The following COL11A1 variants were observed in gnomAD, a reference collection of about 807,000 sequenced individuals.
COL11A1 encodes collagen alpha-1(XI) chain.
In COL11A1, 74 loss-of-function variants were observed where a neutral mutation model predicts 265.2. The observed-to-expected ratio is 0.28, with a 90% confidence interval of 0.23 to 0.34. The LOEUF (loss-of-function observed/expected upper bound fraction) is 0.34, where lower values mean the gene tolerates loss of function less well. COL11A1 is among the 10% of genes least tolerant of loss of function. COL11A1 has a pLI of 1.00. For missense variants in COL11A1, 2,165 were observed against 2,263.6 expected (o/e 0.96, Z 0.88); for synonymous variants, 816 against 727.6 (o/e 1.12, Z -1.96).
chr1:103,050,599 C>T (rs1669733627), intron 4 of COL11A1, among the ~76,000 whole-genome samples: 1 of 152,184 alleles, frequency 6.6e-6, no homozygotes, highest in Non-Finnish European at 1.5e-5. Flanking sequence ...CTTCTCTCAA[C>T]TCGTCAAAGT....
rs902058099 is a variant in COL11A1 at position 102,877,139 on chromosome 1, T to C, written c.*880A>G. On this transcript the variant is annotated 3_prime_UTR_variant, in exon 67 of 67. Coordinates refer to ENST00000370096, the MANE Select transcript of COL11A1 (RefSeq NM_001854.4). ...AAAAAGTATACATATGATTGTTTGCTTGACGGAGGCATTGATTTGTTAATA... is the reference window on the plus strand; with the variant it reads ...AAAAAGTATACATATGATTGTTTGCCTGACGGAGGCATTGATTTGTTAATA... 7 of 152,602 alleles carry C rather than the reference T, an allele frequency of 4.6e-5. No individual in the cohort carries two copies. Among genetic ancestry groups the C allele is most frequent in the Admixed American group, 4.6e-4 (7 of 15,262 alleles). 9.5% of individuals were successfully genotyped at this position (152,602 alleles called of 1,614,324 possible). A position where few individuals can be genotyped will look rare whatever the true frequency, so the allele number is the denominator to read the frequency against.
chr1:102,906,756 T>A (rs879646901), intron 54 of COL11A1, among the ~76,000 whole-genome samples: 2 of 152,032 alleles, frequency 1.3e-5, no homozygotes, highest in African/African-American at 4.8e-5. Context: ...AGCCACCTAT[T>A]TGTTTATGTT....
chr1:103,086,697 T>C (rs1672899374), intron 1 of COL11A1, among the ~76,000 whole-genome samples: 1 of 151,988 alleles, frequency 6.6e-6, no homozygotes, highest in South Asian at 2.1e-4. Flanking sequence ...ATTACAGGCG[T>C]GAGCCACCGC....
In COL11A1 at chr1:102,936,852, G is replaced by A. The variant is rs186488777; in HGVS notation, c.3439-1739C>T. On this transcript the variant is annotated intron_variant, in intron 44 of 66. Transcript: ENST00000370096. ...AAACTACCACTTATAAAATTTCTATGTAAAATCAAAGAATATTCAAAATTA... is the reference window on the plus strand; with the variant it reads ...AAACTACCACTTATAAAATTTCTATATAAAATCAAAGAATATTCAAAATTA... Among the ~76,000 whole-genome samples, 135 of 152,114 alleles carry A rather than the reference G, an allele frequency of 8.9e-4. 1 individual carries two copies. In the Middle Eastern group the frequency reaches 0.01, roughly 11 times the overall value.
chr1:102,968,851 T>C lies in COL11A1; in HGVS notation c.2862+1368A>G, dbSNP rs530399151. 1.6e-3 allele frequency among the ~76,000 whole-genome samples: 249 copies of C among 152,362 alleles called. 1 individual carries two copies. Among genetic ancestry groups the C allele is most frequent in the Middle Eastern group, 0.01 (3 of 294 alleles). On this transcript the variant is annotated intron_variant, in intron 37 of 66. Transcript: ENST00000370096. ...ATGTTATATGTGATATAATTATTTT[T>C]GTTAGAAGTGGAAGCTCCAGATTAA...
In COL11A1 at chr1:102,979,372, T is replaced by G; in HGVS notation, c.2610+10A>C. On this transcript the variant is annotated intron_variant, in intron 32 of 66. Transcript: ENST00000370096. ...ATATACATAGTTCAAAACATATTTA[T>G]ATATCATACCCGTGCACCTTTCTCT... is the stretch of plus-strand genomic sequence containing the variant. 6.3e-7 allele frequency: 1 copy of G among 1,598,598 alleles called. No homozygotes were observed. The highest frequency in any genetic ancestry group is 2.2e-5 in the East Asian group (1 of 44,772).
chr1:102,961,768 C>A, intron 41 of COL11A1, 98 bp downstream of exon 41: 2 of 1,117,560 alleles, frequency 1.8e-6, no homozygotes, highest in Non-Finnish European at 2.7e-6. Context: ...TGTTTATTTT[C>A]TCTCCCACAC....
intron 2 of COL11A1, among the ~76,000 whole-genome samples, chr1:103,080,739 C>T (rs1672344769): frequency 6.6e-6 from 1 of 151,622 alleles, no homozygotes; most frequent in Non-Finnish European, 1.5e-5. Context: ...TTAATACAGC[C>T]ATATAGAAAA....
At chr1:102,941,170 C>T (rs1354952851) in intron 42 of COL11A1, among the ~76,000 whole-genome samples, 1 of 152,116 alleles carries the variant, frequency 6.6e-6, no homozygotes, top group Non-Finnish European at 1.5e-5. Flanking sequence ...CTTTCCCTCA[C>T]TTCCCTTAAC....
At chr1:103,047,640 G>T (rs1218488386) in intron 4 of COL11A1, among the ~76,000 whole-genome samples, 12 of 152,186 alleles carry the variant, frequency 7.9e-5, no homozygotes, top group Non-Finnish European at 1.5e-5. Flanking sequence ...CCAACGCTAT[G>T]TTGAATAGGA....
At chr1:103,047,277 T>C (rs886895371) in intron 4 of COL11A1, among the ~76,000 whole-genome samples, 1 of 152,214 alleles carries the variant, frequency 6.6e-6, no homozygotes, top group African/African-American at 2.4e-5. Flanking sequence ...TCCTCTTTTA[T>C]TTCATTGAGC....
intron 41 of COL11A1, among the ~76,000 whole-genome samples, chr1:102,948,738 A>C (rs1570829018): frequency 6.6e-6 from 1 of 151,900 alleles, no homozygotes; most frequent in Non-Finnish European, 1.5e-5. Flanking sequence ...ATACTTTTTC[A>C]TCAATGTATT....
intron 25 of COL11A1, among the ~76,000 whole-genome samples, chr1:102,997,568 A>C (rs1187761990): frequency 6.6e-6 from 1 of 151,968 alleles, no homozygotes; most frequent in African/African-American, 2.4e-5. Context: ...AAATGCTAAC[A>C]GTGTTAATAA....
rs770943626 is a variant in COL11A1 at position 103,008,422 on chromosome 1, G to T, written c.1683+41C>A. The T allele has an allele frequency of 3.9e-6, 6 of 1,529,738 alleles. No homozygotes were observed. In the African/African-American group the frequency reaches 4.1e-5, roughly 10 times the overall value. 94.8% of individuals were successfully genotyped at this position (1,529,738 alleles called of 1,614,324 possible). On this transcript the variant is annotated intron_variant, in intron 15 of 66. Coordinates refer to ENST00000370096, the MANE Select transcript of COL11A1 (RefSeq NM_001854.4). ...CTCGAAGGAATTATGCTGTATCAAA[G>T]AAGCCAGTCAAGAATAAAAAGTCAA...
intron 46 of COL11A1, among the ~76,000 whole-genome samples, chr1:102,931,566 T>G (rs1317389837): frequency 6.6e-6 from 1 of 152,160 alleles, no homozygotes; most frequent in Admixed American, 6.5e-5. Context: ...AAATGTATAT[T>G]CTGTTGATTT....
intron 41 of COL11A1, among the ~76,000 whole-genome samples, chr1:102,952,955 T>A (rs935966494): frequency 6.6e-6 from 1 of 152,182 alleles, no homozygotes; most frequent in African/African-American, 2.4e-5. Flanking sequence ...AACTAAAAAC[T>A]CCATGTTCAA....
chr1:103,054,571 T>TTTGTTG (rs906918781), intron 4 of COL11A1, among the ~76,000 whole-genome samples: 2 of 151,974 alleles, frequency 1.3e-5, no homozygotes, highest in South Asian at 2.1e-4. Flanking sequence ...AAAAGGGTGT[T>TTTGTTG]TTGTTGTTGT....
chr1:103,050,796 T>C (rs1011906180), intron 4 of COL11A1, among the ~76,000 whole-genome samples: 1 of 152,208 alleles, frequency 6.6e-6, no homozygotes, highest in African/African-American at 2.4e-5. Context: ...ATGTCCTTCC[T>C]GTTTGTTAGT....
chr1:103,008,362 T>G, intron 15 of COL11A1, 101 bp downstream of exon 15: 1 of 933,366 alleles, frequency 1.1e-6, no homozygotes, highest in Admixed American at 2.0e-5. Flanking sequence ...GGAATACTAC[T>G]CAGGAACAAA....
Sources: allele counts gnomAD v4.1 joint callset (sites outside exome capture counted in the v4.1 genomes callset), GRCh38; gene constraint gnomAD v4.1.1; transcripts MANE v1.5; gene names NCBI Gene and HGNC (gene_info 2026-07-23, HGNC 2026-07-21).